Variants in KMT2C observed in about 807,000 individuals in gnomAD.
The protein encoded by KMT2C is histone-lysine N-methyltransferase 2C.
In KMT2C, 88 loss-of-function variants were observed where a neutral mutation model predicts 507.9. That is an observed-to-expected ratio of 0.17 (90% confidence interval 0.15 to 0.21). KMT2C has a LOEUF of 0.21. Among genes scored for constraint, KMT2C ranks in the 10% least tolerant of loss-of-function variants. KMT2C has a pLI of 1.00. For synonymous variants in KMT2C, 2,049 were observed against 2,080.8 expected, an observed-to-expected ratio of 0.98 and a Z score of 0.42; for missense variants, 4,954 against 5,957.8, an observed-to-expected ratio of 0.83 and a Z score of 5.55.
intron 6 of KMT2C, among the ~76,000 whole-genome samples, chr7:152,288,022 C>CAAAAAAA (rs66951420): frequency 6.3e-5 from 2 of 31,658 alleles, no homozygotes; most frequent in East Asian, 8.2e-4. Context: ...GAGTCTGCCT[C>CAAAAAAA]AAAAAAAAAA....
intron 1 of KMT2C, among the ~76,000 whole-genome samples, chr7:152,395,063 G>T (rs73730064): frequency 6.6e-6 from 1 of 151,966 alleles, no homozygotes; most frequent in Admixed American, 6.6e-5. Context: ...TAACTCAATC[G>T]TAAGGCATGC....
At chr7:152,169,980 GA>G (rs1047803124) in intron 40 of KMT2C, among the ~76,000 whole-genome samples, 10 of 152,164 alleles carry the variant, frequency 6.6e-5, no homozygotes, top group African/African-American at 2.4e-4. Flanking sequence ...AATTAATGTT[GA>G]AAAATGTTTA....
chr7:152,330,611 C>T lies in KMT2C; in HGVS notation c.379G>A (p.Ala127Thr), dbSNP rs1388187189. ...ANSLVSVGVE[A>T]KISEQLCAFC... ...CATTCATTCTCTAACCTGATTTTGG[C>T]TTCTACACCAACAGAGACCAGGGAG... Residue 127 changes from alanine (A) to threonine (T), a missense_variant, in exon 3 of 59, where the codon GCC becomes ACC. Coordinates refer to ENST00000262189, the MANE Select transcript of KMT2C (RefSeq NM_170606.3). 9.9e-6 allele frequency: 16 copies of T among 1,614,100 alleles called. No individual in the cohort carries two copies. Among genetic ancestry groups the T allele is most frequent in the Non-Finnish European group, 1.4e-5 (16 of 1,179,970 alleles).
intron 6 of KMT2C, among the ~76,000 whole-genome samples, chr7:152,277,247 T>C (rs2096098042): frequency 2.0e-5 from 3 of 152,212 alleles, no homozygotes; most frequent in African/African-American, 2.4e-5. Flanking sequence ...AATTTGTTTT[T>C]AATCTTCACC....
At chr7:152,384,702 C>T (rs532848986) in intron 1 of KMT2C, among the ~76,000 whole-genome samples, 5 of 152,280 alleles carry the variant, frequency 3.3e-5, no homozygotes, top group African/African-American at 9.6e-5. Context: ...GTAACAGATA[C>T]ATTAAAAATA....
rs969677066 is a variant in KMT2C, at chr7:152,182,215, A to T, written c.5645T>A (p.Phe1882Tyr). The T allele has an allele frequency of 6.2e-7, 1 of 1,614,064 alleles. No homozygotes were observed. The highest frequency in any genetic ancestry group is 8.5e-7 in the Non-Finnish European group (1 of 1,180,006). The change falls in exon 36 of 59, where the codon TTT becomes TAT. Residue 1882 changes from phenylalanine (F) to tyrosine (Y), a missense_variant. Phe to Tyr is a conservative substitution (Grantham distance 22). Transcript: ENST00000262189. ...TCGTGAGTTAGAGGACCCAGGTGAA[A>T]ACACTTGCGGTGAGGGTGGCTGAGA... ...QTSQPPSPQV[F>Y]SPGSSNSRPP... is the part of the protein sequence containing the mutation.
chr7:152,409,279 T>A (rs1207725704), intron 1 of KMT2C, among the ~76,000 whole-genome samples: 5 of 152,052 alleles, frequency 3.3e-5, no homozygotes, highest in African/African-American at 9.7e-5. Context: ...AGTGCTGGGA[T>A]TAGAGGTGTG....
At position 152,138,679 on chromosome 7, in the gene KMT2C, CAG is replaced by C. The variant is rs895152498; in HGVS notation, c.14643+115_14643+116del. 3.7e-5 allele frequency: 26 copies of C among 703,742 alleles called. No individual in the cohort carries two copies. The Admixed American group carries it at 4.8e-4, about 13-fold the overall frequency. 43.6% of individuals were successfully genotyped at this position (703,742 alleles called of 1,614,324 possible). On this transcript the variant is annotated intron_variant, in intron 58 of 58. Coordinates refer to ENST00000262189, the MANE Select transcript of KMT2C (RefSeq NM_170606.3). The surrounding 1 kb of genome is among the most constrained non-coding windows in gnomAD (Gnocchi z 4.2). ...GTGGGAACATCTGGCCTATTATGGA[CAG>C]AGTTTTTATCACAACAAAGAATTGG...
rs2129163730 is a variant in KMT2C, at chr7:152,247,895, A to G, written c.2532+7T>C. 1 of 1,598,630 alleles carries G rather than the reference A, an allele frequency of 6.3e-7. No individual in the cohort carries two copies. The highest frequency in any genetic ancestry group is 8.6e-7 in the Non-Finnish European group (1 of 1,166,256). Reference sequence around the variant, plus strand: ...CTTTTCTGTCAATATCATTAAAATCACCCTACCTGTTTGGACCGAGGTCTA... The same window carrying G: ...CTTTTCTGTCAATATCATTAAAATCGCCCTACCTGTTTGGACCGAGGTCTA... On this transcript the variant is annotated splice_region_variant and intron_variant, in intron 14 of 58. Coordinates refer to ENST00000262189, the MANE Select transcript of KMT2C (RefSeq NM_170606.3).
chr7:152,272,899 G>A (rs774039497), intron 7 of KMT2C, among the ~76,000 whole-genome samples: 3 of 152,020 alleles, frequency 2.0e-5, no homozygotes, highest in Non-Finnish European at 4.4e-5. Flanking sequence ...CTAAGGAACA[G>A]ATAAAAGCTA....
At chr7:152,140,751 T>G (rs28393197) in intron 55 of KMT2C, among the ~76,000 whole-genome samples, 1,618 of 152,196 alleles carry the variant, frequency 0.011, 33 homozygotes, top group African/African-American at 0.038. Flanking sequence ...ATGAAGCACA[T>G]CCGGGAGCAC....
At chr7:152,401,347 T>C (rs113452575) in intron 1 of KMT2C, among the ~76,000 whole-genome samples, 4 of 149,152 alleles carry the variant, frequency 2.7e-5, no homozygotes, top group Non-Finnish European at 5.9e-5. Context: ...CCCGAAGTGC[T>C]GGGATTACAG....
intron 31 of KMT2C, among the ~76,000 whole-genome samples, chr7:152,191,277 A>C (rs778860013): frequency 1.2e-4 from 19 of 152,180 alleles, no homozygotes; most frequent in Non-Finnish European, 1.9e-4. Flanking sequence ...AAGAGGTCTA[A>C]AACTAAATTC....
chr7:152,255,157 A>ATATATATATG (rs767823858), intron 9 of KMT2C, among the ~76,000 whole-genome samples: 12 of 128,378 alleles, frequency 9.3e-5, no homozygotes, highest in African/African-American at 2.4e-4. Flanking sequence ...ATATATATAT[A>ATATATATATG]TGTGTGTGTG....
At chr7:152,334,723 T>C (rs145413513) in intron 2 of KMT2C, among the ~76,000 whole-genome samples, 1 of 152,250 alleles carries the variant, frequency 6.6e-6, no homozygotes, top group East Asian at 1.9e-4. Context: ...CCAGTCGCAA[T>C]GCTGCCAATG....
chr7:152,191,169 A>G (rs1447741979), intron 31 of KMT2C, among the ~76,000 whole-genome samples: 1 of 152,212 alleles, frequency 6.6e-6, no homozygotes, highest in Non-Finnish European at 1.5e-5. Context: ...AATTAGCACA[A>G]TTACACAGAT....
At position 152,273,809 on chromosome 7, in the gene KMT2C, G is replaced by C. The variant is rs752464731; in HGVS notation, c.908C>G (p.Thr303Ser). Reference sequence around the variant, plus strand: ...AGCACAAGGATAATGATACATCTGGGTACATTTCTCTTCACAGCATTTGAT... The same window carrying C: ...AGCACAAGGATAATGATACATCTGGCTACATTTCTCTTCACAGCATTTGAT... ...ATIKCCEEKC[T>S]QMYHYPCAAG... Residue 303 changes from threonine to serine, a missense_variant, in exon 7 of 59, where the codon ACC (threonine) becomes AGC (serine). This residue lies in a region of KMT2C where 24 missense variants were observed against 82.7 expected (regional missense o/e 0.29). Coordinates refer to ENST00000262189, the MANE Select transcript of KMT2C (RefSeq NM_170606.3). 4 of 1,614,096 alleles carry C rather than the reference G, an allele frequency of 2.5e-6. No individual in the cohort carries two copies. The highest frequency in any genetic ancestry group is 3.4e-6 in the Non-Finnish European group (4 of 1,179,936).
intron 7 of KMT2C, among the ~76,000 whole-genome samples, chr7:152,267,620 C>T (rs764507227): frequency 2.0e-5 from 3 of 152,190 alleles, no homozygotes; most frequent in Non-Finnish European, 2.9e-5. Context: ...TACTCTGTCT[C>T]GCTAACTGCA....
chr7:152,274,764 T>G (rs1258380175), intron 6 of KMT2C, among the ~76,000 whole-genome samples: 1 of 152,222 alleles, frequency 6.6e-6, no homozygotes, highest in Non-Finnish European at 1.5e-5. Flanking sequence ...CACCATTACA[T>G]GGTACTTACT....
Sources: gnomAD v4.1 joint callset for allele counts (sites outside exome capture counted in the v4.1 genomes callset) on GRCh38, gnomAD v4.1.1 for gene constraint, gnomAD v4.1.1 regional missense constraint, Gnocchi (gnomAD v3.1) non-coding constraint, MANE v1.5 for transcripts, NCBI Gene and HGNC (gene_info 2026-07-23, HGNC 2026-07-21) for gene names.